EDARADD: variants seen among roughly 807,000 people sequenced by gnomAD.
EDARADD encodes EDAR associated via death domain.
A neutral mutation model predicts 25.6 loss-of-function variants in EDARADD; 20 were observed. The ratio of observed to expected loss-of-function variants is 0.78; its 90% CI spans 0.55 to 1.14. The LOEUF is 1.14. Ranked by LOEUF, EDARADD falls within the 50% of genes most tolerant of loss-of-function variation. The pLI is 0.00. For missense variants in EDARADD, 225 were observed against 270.1 expected, an observed-to-expected ratio of 0.83 and a Z score of 1.17; for synonymous variants, 86 against 94.4, an observed-to-expected ratio of 0.91 and a Z score of 0.52.
Position 236,360,537 on chromosome 1 carries a change from GTTTTTTTT to G in EDARADD, c.-6+9717_-6+9724del, listed in dbSNP as rs869053977. On this transcript the variant is annotated intron_variant, in intron 3 of 7. Coordinates refer to the EDARADD transcript ENST00000439430. Reference sequence around the variant, plus strand: ...CAGGACAGAGGGATTTTAATTCACGGTTTTTTTTTTTTTTTTTTTTTTTTTTGAGACAG... The same window carrying G: ...CAGGACAGAGGGATTTTAATTCACGGTTTTTTTTTTTTTTTTTTGAGACAG... Among the ~76,000 whole-genome samples, 97 of 131,272 alleles carry G rather than the reference GTTTTTTTT, an allele frequency of 7.4e-4. 4 individuals are homozygous for G. The highest frequency in any genetic ancestry group is 1.8e-3 in the South Asian group (7 of 3,972). 86.1% of individuals were successfully genotyped at this position (131,272 alleles called of 152,430 possible).
intron 4 of EDARADD, among the ~76,000 whole-genome samples, chr1:236,458,059 G>T (rs567368087): frequency 6.6e-6 from 1 of 152,320 alleles, no homozygotes; most frequent in Middle Eastern, 3.4e-3. Context: ...GAGACATTCG[G>T]ATGGTGTGGG....
chr1:236,458,641 C>CTTTTTTTTTTTTTTT (rs5781887), intron 4 of EDARADD, among the ~76,000 whole-genome samples: 1 of 113,538 alleles, frequency 8.8e-6, no homozygotes, highest in Non-Finnish European at 1.8e-5. Flanking sequence ...TTTTCTTTTT[C>CTTTTTTTTTTTTTTT]TTTTTTTTTT....
chr1:236,351,026 G>C (rs1197857332), intron 3 of EDARADD, among the ~76,000 whole-genome samples: 3 of 152,066 alleles, frequency 2.0e-5, no homozygotes, highest in Admixed American at 2.0e-4. Context: ...GCATTCCCAA[G>C]TACTTGGGAG....
At chr1:236,391,135 T>C (rs1889069), upstream of EDARADD, among the ~76,000 whole-genome samples, 121,571 of 151,630 alleles carry the variant, frequency 0.8, 49,322 homozygotes, top group East Asian at 0.92. Flanking sequence ...TTAAGACCGG[T>C]CCCCCTGTCC....
At chr1:236,392,598 G>T (rs184726899), upstream of EDARADD, among the ~76,000 whole-genome samples, 413 of 151,324 alleles carry the variant, frequency 2.7e-3, 12 homozygotes, top group Admixed American at 0.027. Flanking sequence ...CGATTCTCCT[G>T]CCTCAGCCTC....
chr1:236,452,546 T>A (rs1458212897), intron 4 of EDARADD, among the ~76,000 whole-genome samples: 1 of 151,996 alleles, frequency 6.6e-6, no homozygotes, highest in Non-Finnish European at 1.5e-5. Flanking sequence ...GTGCCCTGCT[T>A]CTCCTTCACC....
In EDARADD at chr1:236,398,300, A is replaced by AT. The variant is rs1667556149; in HGVS notation, c.61+3800dup. On this transcript the variant is annotated intron_variant, in intron 1 of 5. Transcript: ENST00000334232. This position sits in a 1 kb window ranked among gnomAD's most constrained non-coding sequence, Gnocchi z 4.1. ...CTACCACACCTGGCTAATTTTTTGT[A>AT]TTTTTAGGCTGGTCTCGAACTCCTG... Among the ~76,000 whole-genome samples the AT allele has an allele frequency of 1.3e-5, 2 of 151,928 alleles. No individual in the cohort carries two copies. Among genetic ancestry groups the AT allele is most frequent in the African/African-American group, 4.8e-5 (2 of 41,362 alleles).
intron 3 of EDARADD, among the ~76,000 whole-genome samples, chr1:236,363,006 A>ATATATATATATTTATAT (rs1553262239): frequency 2.3e-5 from 1 of 42,950 alleles, no homozygotes; most frequent in Non-Finnish European, 3.8e-5. Flanking sequence ...AAAAAAAAAA[A>ATATATATATATTTATAT]ATATATATAT....
intron 3 of EDARADD, among the ~76,000 whole-genome samples, chr1:236,368,443 T>A (rs1667136632): frequency 6.8e-6 from 1 of 147,982 alleles, no homozygotes; most frequent in Non-Finnish European, 1.5e-5. Flanking sequence ...GTCTTTTCTT[T>A]TTTTTTTTTT....
chr1:236,483,877 A>G lies in EDARADD; in HGVS notation c.*1228A>G, dbSNP rs1212128773. On this transcript the variant is annotated 3_prime_UTR_variant, in exon 6 of 6. Transcript: ENST00000334232. ...GCGATTGGGAAAGCTGGCTACACTGATAAGGTGATCGTCAGCATGGACGTA... is the reference window on the plus strand; with the variant it reads ...GCGATTGGGAAAGCTGGCTACACTGGTAAGGTGATCGTCAGCATGGACGTA... 5.1e-6 allele frequency: 7 copies of G among 1,385,340 alleles called. No individual in the cohort carries two copies. Among genetic ancestry groups the G allele is most frequent in the Non-Finnish European group, 7.2e-6 (7 of 974,058 alleles). The allele number at this position is 1,385,340 out of a possible 1,614,324, so 85.8% of individuals were successfully genotyped here. A position where few individuals can be genotyped will look rare whatever the true frequency, so the allele number is the denominator to read the frequency against.
chr1:236,381,226 C>T (rs1572117309), intron 3 of EDARADD, among the ~76,000 whole-genome samples: 1 of 152,246 alleles, frequency 6.6e-6, no homozygotes, highest in East Asian at 1.9e-4. Context: ...TTTTGAGATT[C>T]ATTTGTGTTG....
chr1:236,354,164 A>G (rs191624088), intron 3 of EDARADD, among the ~76,000 whole-genome samples: 38 of 152,298 alleles, frequency 2.5e-4, no homozygotes, highest in Non-Finnish European at 4.0e-4. Flanking sequence ...ATTTATTCCT[A>G]TAATGTACTG....
chr1:236,394,047 A>G (rs1488968288), upstream of EDARADD, among the ~76,000 whole-genome samples: 1 of 152,162 alleles, frequency 6.6e-6, no homozygotes, highest in Non-Finnish European at 1.5e-5. Context: ...ATTTGATATA[A>G]TGCAGAATGG....
chr1:236,444,039 A>T (rs1045162811), intron 4 of EDARADD, among the ~76,000 whole-genome samples: 2 of 152,128 alleles, frequency 1.3e-5, no homozygotes, highest in Non-Finnish European at 2.9e-5. Context: ...TCAAGGCAAG[A>T]CCCTCCATCA....
chr1:236,421,408 G>T (rs550625313), intron 3 of EDARADD, among the ~76,000 whole-genome samples: 11 of 144,592 alleles, frequency 7.6e-5, no homozygotes, highest in African/African-American at 2.8e-4. Context: ...GGTAAGGGGC[G>T]TTGTTTGGCT....
intron 4 of EDARADD, among the ~76,000 whole-genome samples, chr1:236,443,026 G>A (rs555429674): frequency 1.2e-4 from 19 of 152,244 alleles, no homozygotes; most frequent in South Asian, 4.2e-4. Flanking sequence ...ATGAGTTATC[G>A]TGAGAAAGGA....
chr1:236,366,271 T>C (rs1452414142), intron 3 of EDARADD, among the ~76,000 whole-genome samples: 1 of 152,230 alleles, frequency 6.6e-6, no homozygotes, highest in East Asian at 1.9e-4. Flanking sequence ...TTCTCGTGTC[T>C]TGCTTTTAAG....
At chr1:236,397,422 A>AAATG (rs893661552) in intron 1 of EDARADD, among the ~76,000 whole-genome samples, 1 of 151,922 alleles carries the variant, frequency 6.6e-6, no homozygotes, top group South Asian at 2.1e-4. Flanking sequence ...ATAAATAAAT[A>AAATG]AAAAGCTACA....
chr1:236,372,914 A>ATTT (rs34634477), intron 3 of EDARADD, among the ~76,000 whole-genome samples: 25,791 of 113,490 alleles, frequency 0.23, 4,135 homozygotes, highest in East Asian at 0.38. Context: ...CTCTTCTTAC[A>ATTT]TTTTTTTTTT....
Sources: allele counts gnomAD v4.1 joint callset (sites outside exome capture counted in the v4.1 genomes callset), GRCh38; gene constraint gnomAD v4.1.1; non-coding constraint Gnocchi (gnomAD v3.1); transcripts MANE v1.5; gene names NCBI Gene and HGNC (gene_info 2026-07-23, HGNC 2026-07-21).